The following TEX36 variants were observed in gnomAD, a reference collection of about 807,000 sequenced individuals.
TEX36 encodes testis-expressed protein 36.
A neutral mutation model predicts 13.6 loss-of-function variants in TEX36; 12 were observed. The ratio of observed to expected loss-of-function variants is 0.88; its 90% CI spans 0.56 to 1.43. The LOEUF (loss-of-function observed/expected upper bound fraction) is 1.43, where lower values mean the gene tolerates loss of function less well. TEX36 is among the 40% of genes most tolerant of loss of function. TEX36 has a pLI of 0.00. For synonymous variants in TEX36, 93 were observed against 83.0 expected (o/e 1.12, Z -0.65); for missense variants, 224 against 228.3 (o/e 0.98, Z 0.12).
At chr10:125,592,230 C>T (rs1846029101) in intron 3 of TEX36, among the ~76,000 whole-genome samples, 1 of 152,058 alleles carries the variant, frequency 6.6e-6, no homozygotes, top group Non-Finnish European at 1.5e-5. Flanking sequence ...GTAAAGACAG[C>T]AGGCATGAGG....
At chr10:125,582,941 A>G (rs938726411) in intron 3 of TEX36, among the ~76,000 whole-genome samples, 10 of 152,218 alleles carry the variant, frequency 6.6e-5, no homozygotes, top group African/African-American at 2.4e-4. Context: ...ATGGAGATCT[A>G]TTCCACTTAG....
chr10:125,584,529 T>G (rs1845919896), intron 3 of TEX36, among the ~76,000 whole-genome samples: 1 of 152,250 alleles, frequency 6.6e-6, no homozygotes, highest in South Asian at 2.1e-4. Context: ...CTCCAGTTCA[T>G]CTGTTGACGC....
intron 3 of TEX36, among the ~76,000 whole-genome samples, chr10:125,592,259 G>A (rs541954917): frequency 6.6e-6 from 1 of 152,218 alleles, no homozygotes; most frequent in East Asian, 1.9e-4. Context: ...GCTGGGGGTG[G>A]CAAGTGGAGA....
intron 3 of TEX36, among the ~76,000 whole-genome samples, chr10:125,583,429 TTTTTG>T (rs1845907635): frequency 6.6e-6 from 1 of 152,236 alleles, no homozygotes; most frequent in Non-Finnish European, 1.5e-5. Context: ...GAACGCTGTG[TTTTTG>T]CATAGCAGAA....
chr10:125,676,328 C>T (rs1429621189), intron 1 of TEX36, among the ~76,000 whole-genome samples: 1 of 152,162 alleles, frequency 6.6e-6, no homozygotes, highest in Non-Finnish European at 1.5e-5. Context: ...ACTGTTATAT[C>T]CTCTTGCTGG....
chr10:125,623,735 C>T (rs1846453679), intron 3 of TEX36, among the ~76,000 whole-genome samples: 1 of 152,202 alleles, frequency 6.6e-6, no homozygotes. Context: ...GGCATTCTGG[C>T]TCTTCGAAGT....
At chr10:125,607,956 C>T (rs1846235650) in intron 3 of TEX36, among the ~76,000 whole-genome samples, 1 of 152,158 alleles carries the variant, frequency 6.6e-6, no homozygotes, top group East Asian at 1.9e-4. Flanking sequence ...GGTGCCATCA[C>T]CTTCTTCCAT....
chr10:125,588,592 G>GGTTT (rs59372231), intron 3 of TEX36, among the ~76,000 whole-genome samples: 2,533 of 147,460 alleles, frequency 0.017, 34 homozygotes, highest in South Asian at 0.023. Flanking sequence ...CCAGGCTCTT[G>GGTTT]GTTTGTTTGT....
chr10:125,617,628 G>C (rs2133556863), downstream of TEX36, among the ~76,000 whole-genome samples: 1 of 152,304 alleles, frequency 6.6e-6, no homozygotes. Flanking sequence ...ACTCTCTTCT[G>C]GCTTGTAGAG....
At chr10:125,653,325 A>G (rs1846891820), downstream of TEX36, among the ~76,000 whole-genome samples, 1 of 152,186 alleles carries the variant, frequency 6.6e-6, no homozygotes, top group African/African-American at 2.4e-5. Flanking sequence ...GGATGAGTTC[A>G]TGTCCTTTGT....
Position 125,621,629 on chromosome 10 carries a change from G to A in TEX36, c.281C>T (p.Ser94Leu), listed in dbSNP as rs186362306. The A allele has an allele frequency of 8.9e-4, 404 of 455,952 alleles. 1 individual carries two copies. The highest frequency in any genetic ancestry group is 1.5e-3 in the South Asian group (98 of 64,552). The allele number at this position is 455,952 out of a possible 1,614,324, so 28.2% of individuals were successfully genotyped here. A position where few individuals can be genotyped will look rare whatever the true frequency, so the allele number is the denominator to read the frequency against. ...ACATGATCACAAAGAGAAGTCCCAC[G>A]ATAGGCCATCTGCAAACTGGGAAAG... The change falls in exon 4 of 4, where the codon TCG becomes TTG. Residue 94 changes from serine to leucine, a missense_variant. By Grantham distance (145) the Ser-to-Leu change is moderately radical. Transcript: ENST00000526819.
intron 3 of TEX36, among the ~76,000 whole-genome samples, chr10:125,585,213 C>T (rs542336460): frequency 1.6e-4 from 25 of 152,172 alleles, no homozygotes; most frequent in Non-Finnish European, 3.1e-4. Flanking sequence ...AGGTGTGTCC[C>T]GAGGGGCTGC....
At chr10:125,606,434 G>C (rs1846216890) in intron 3 of TEX36, among the ~76,000 whole-genome samples, 1 of 152,194 alleles carries the variant, frequency 6.6e-6, no homozygotes, top group Non-Finnish European at 1.5e-5. Context: ...CTCCTAGAAA[G>C]TTGAATTTAT....
intron 3 of TEX36, among the ~76,000 whole-genome samples, chr10:125,635,398 G>A (rs61400990): frequency 6.6e-6 from 1 of 152,206 alleles, no homozygotes; most frequent in Non-Finnish European, 1.5e-5. Flanking sequence ...CTAAGACTTA[G>A]AAGTAACTTG....
At chr10:125,618,772 TA>T (rs1439391262), downstream of TEX36, among the ~76,000 whole-genome samples, 2 of 151,802 alleles carry the variant, frequency 1.3e-5, no homozygotes, top group Non-Finnish European at 2.9e-5. Flanking sequence ...AAGGGATACT[TA>T]AACACTGACT....
At chr10:125,647,348 G>C (rs1846785840) in intron 3 of TEX36, among the ~76,000 whole-genome samples, 1 of 152,142 alleles carries the variant, frequency 6.6e-6, no homozygotes, top group African/African-American at 2.4e-5. Context: ...GCTTTTATAT[G>C]ATGTGTACCA....
At chr10:125,649,086 A>T (rs553647453) in intron 3 of TEX36, among the ~76,000 whole-genome samples, 89 of 152,358 alleles carry the variant, frequency 5.8e-4, no homozygotes, top group African/African-American at 2.0e-3. Flanking sequence ...CCTCTTCAGG[A>T]TATTATCCAT....
At chr10:125,678,316 C>T (rs1167701811) in intron 1 of TEX36, among the ~76,000 whole-genome samples, 2 of 152,132 alleles carry the variant, frequency 1.3e-5, no homozygotes, top group Non-Finnish European at 2.9e-5. Flanking sequence ...GTGATTTCCT[C>T]AGTGTGTTAG....
At chr10:125,652,511 T>C (rs566074644), downstream of TEX36, among the ~76,000 whole-genome samples, 12 of 152,272 alleles carry the variant, frequency 7.9e-5, no homozygotes, top group African/African-American at 2.9e-4. Flanking sequence ...ACTTAAATAT[T>C]AGACCTAAAA....
Sources: allele counts gnomAD v4.1 joint callset (sites outside exome capture counted in the v4.1 genomes callset), GRCh38; gene constraint gnomAD v4.1.1; transcripts MANE v1.5; gene names NCBI Gene and HGNC (gene_info 2026-07-23, HGNC 2026-07-21).